Variants in FBN2 observed in about 807,000 individuals in gnomAD.
The protein encoded by FBN2 is fibrillin 2.
A neutral mutation model predicts 355.6 loss-of-function variants in FBN2; 105 were observed. The ratio of observed to expected loss-of-function variants is 0.30; its 90% CI spans 0.25 to 0.35. FBN2 has a LOEUF of 0.35. Among genes scored for constraint, FBN2 ranks in the 10% least tolerant of loss-of-function variants. The probability of loss-of-function intolerance (pLI) is 1.00; values close to 1 mark genes in which losing one functional copy is unlikely to be tolerated. For missense variants in FBN2, 3,280 were observed against 3,758.7 expected, an observed-to-expected ratio of 0.87 and a Z score of 3.33; for synonymous variants, 1,350 against 1,301.2, an observed-to-expected ratio of 1.04 and a Z score of -0.81.
chr5:128,391,531 T>G (rs1392487298), intron 11 of FBN2, among the ~76,000 whole-genome samples: 1 of 152,192 alleles, frequency 6.6e-6, no homozygotes, highest in African/African-American at 2.4e-5. Flanking sequence ...ATTTTCATCT[T>G]TAATTTCTAA....
intron 4 of FBN2, among the ~76,000 whole-genome samples, chr5:128,522,484 T>C (rs538401131): frequency 2.6e-5 from 4 of 152,260 alleles, no homozygotes; most frequent in South Asian, 2.1e-4. Context: ...CTAAATAAAA[T>C]AGCATATAAG....
Position 128,392,215 on chromosome 5 carries a change from T to C in FBN2, c.1466-60A>G, listed in dbSNP as rs1336294407. On this transcript the variant is annotated intron_variant, in intron 10 of 64. Transcript: ENST00000262464. ...TTACAACATGCATTACTTTTCTGAA[T>C]TGATTTTTAAAGGACATTTAATAGT... is the stretch of plus-strand genomic sequence containing the variant. 17 of 1,486,966 alleles carry C rather than the reference T, an allele frequency of 1.1e-5. No individual in the cohort carries two copies. In the East Asian group the frequency reaches 2.5e-4, roughly 22 times the overall value. The allele number at this position is 1,486,966 out of a possible 1,614,324, so 92.1% of individuals were successfully genotyped here.
In FBN2 at chr5:128,492,857, TG is replaced by T. The variant is rs374581921; in HGVS notation, c.628+26415del. Reference sequence around the variant, plus strand: ...GAAGAAAGAAATACCTATTGGCATATGGGGGAAACTGGCAGATTAGATAAAA... The same window carrying T: ...GAAGAAAGAAATACCTATTGGCATATGGGGAAACTGGCAGATTAGATAAAA... On this transcript the variant is annotated intron_variant, in intron 5 of 64. Transcript: ENST00000262464. Among the ~76,000 whole-genome samples, 956 of 138,664 alleles carry T rather than the reference TG, an allele frequency of 6.9e-3. 15 individuals are homozygous for T. Among genetic ancestry groups the T allele is most frequent in the African/African-American group, 0.024 (916 of 37,782 alleles). 91.0% of individuals were successfully genotyped at this position (138,664 alleles called of 152,430 possible).
At chr5:128,348,628 T>C (rs1751248984) in intron 23 of FBN2, among the ~76,000 whole-genome samples, 2 of 152,138 alleles carry the variant, frequency 1.3e-5, no homozygotes, top group South Asian at 4.1e-4. Context: ...AATACAAATC[T>C]ATGTAAAGTT....
At chr5:128,500,226 TATC>T (rs1438064435) in intron 5 of FBN2, among the ~76,000 whole-genome samples, 2 of 133,888 alleles carry the variant, frequency 1.5e-5, no homozygotes, top group Non-Finnish European at 3.0e-5. Flanking sequence ...CCACAGCTAA[TATC>T]AACAACAACA....
intron 29 of FBN2, 49 bp downstream of exon 29, chr5:128,335,406 A>C: frequency 1.2e-6 from 2 of 1,613,544 alleles, no homozygotes; most frequent in Non-Finnish European, 1.7e-6. Context: ...CATATTTTCA[A>C]GAAAAAATTA....
Position 128,311,873 on chromosome 5 carries a change from G to A in FBN2, c.4948+12C>T. On this transcript the variant is annotated intron_variant, in intron 38 of 64. Coordinates refer to ENST00000262464, the MANE Select transcript of FBN2 (RefSeq NM_001999.4). ...CCTTGTTTGAATCTGGGTGACAATG[G>A]GATTAGCTCACCTTCTAAAATGATT... 3 of 1,592,774 alleles carry A rather than the reference G, an allele frequency of 1.9e-6. No individual in the cohort carries two copies. Among genetic ancestry groups the A allele is most frequent in the Non-Finnish European group, 1.7e-6 (2 of 1,160,858 alleles).
chr5:128,422,853 A>C (rs1433958673), intron 7 of FBN2, among the ~76,000 whole-genome samples: 1 of 152,196 alleles, frequency 6.6e-6, no homozygotes, highest in Admixed American at 6.6e-5. Context: ...CTTTGGTACT[A>C]TCCTTTTTTT....
At chr5:128,439,054 G>A (rs895988466) in intron 7 of FBN2, among the ~76,000 whole-genome samples, 8 of 151,846 alleles carry the variant, frequency 5.3e-5, no homozygotes, top group Non-Finnish European at 8.8e-5. Context: ...TTCAACATAC[G>A]TTTATATCAA....
chr5:128,527,854 T>A lies in FBN2; in HGVS notation c.532+18A>T. On this transcript the variant is annotated intron_variant, in intron 4 of 64. Transcript: ENST00000262464. ...ATCCACCAAATCAAATGATTTCTAA[T>A]AAATCAATGTCCCTTACGTTGTCCA... 6.8e-7 allele frequency: 1 copy of A among 1,466,910 alleles called. No individual in the cohort carries two copies. The highest frequency in any genetic ancestry group is 9.6e-7 in the Non-Finnish European group (1 of 1,046,274). The allele number at this position is 1,466,910 out of a possible 1,614,324, so 90.9% of individuals were successfully genotyped here. A position where few individuals can be genotyped will look rare whatever the true frequency, so the allele number is the denominator to read the frequency against.
intron 34 of FBN2, 111 bp downstream of exon 34, chr5:128,328,585 A>T (rs568951706): frequency 9.2e-7 from 1 of 1,089,882 alleles, no homozygotes; most frequent in South Asian, 1.3e-5. Context: ...TTTATAGTGC[A>T]GCATGTGCTA....
rs200400405 is a variant in FBN2, at chr5:128,315,578, T to G, written c.4717+2571A>C. ...CCACAAATAGAAAATGTTTTCATTT[T>G]TAGATTTATCAACACCAATTAGAAC... On this transcript the variant is annotated intron_variant, in intron 36 of 64. Transcript: ENST00000262464. 6.6e-5 allele frequency among the ~76,000 whole-genome samples: 10 copies of G among 152,348 alleles called. No individual in the cohort carries two copies. The East Asian group carries it at 1.7e-3, about 26-fold the overall frequency.
chr5:128,291,839 G>A (rs765764615), intron 48 of FBN2, among the ~76,000 whole-genome samples, 185 bp from the exon 49 acceptor site: 14 of 152,098 alleles, frequency 9.2e-5, no homozygotes, highest in Non-Finnish European at 1.8e-4. Flanking sequence ...AACCAACCAT[G>A]TGCCAGAGAG....
At chr5:128,522,771 A>G (rs1312095538) in intron 4 of FBN2, among the ~76,000 whole-genome samples, 2 of 152,238 alleles carry the variant, frequency 1.3e-5, no homozygotes, top group African/African-American at 4.8e-5. Context: ...AAGAATGGAA[A>G]CAGCAACTTA....
intron 63 of FBN2, among the ~76,000 whole-genome samples, chr5:128,262,502 G>T (rs577509593): frequency 6.6e-6 from 1 of 152,266 alleles, no homozygotes; most frequent in East Asian, 1.9e-4. Flanking sequence ...TAAAAGTAAG[G>T]TATGAATTTC....
At position 128,417,760 on chromosome 5, in the gene FBN2, G is replaced by C. The variant is rs574135668; in HGVS notation, c.953-8961C>G. ...GTTGGATTCAGTTTGCTACTATTTTGTTGGGGATTTTTACGTCTATATTCA... is the reference window on the plus strand; with the variant it reads ...GTTGGATTCAGTTTGCTACTATTTTCTTGGGGATTTTTACGTCTATATTCA... On this transcript the variant is annotated intron_variant, in intron 7 of 64. Transcript: ENST00000262464. 1.1e-4 allele frequency among the ~76,000 whole-genome samples: 17 copies of C among 152,188 alleles called. 2 individuals carry two copies. In the South Asian group the frequency reaches 3.3e-3, roughly 30 times the overall value.
rs897887627 is a variant in FBN2 at position 128,339,047 on chromosome 5, T to A, written c.3358A>T (p.Arg1120Trp). The A allele has an allele frequency of 6.2e-7, 1 of 1,614,096 alleles. No individual in the cohort carries two copies. The highest frequency in any genetic ancestry group is 8.5e-7 in the Non-Finnish European group (1 of 1,179,938). ...CTGCCACAGAGGTCAGGAGAAATCC[T>A]GCACTCGTCGATGTCTAATTCACAG... ...ERNCTDIDECRISPDLCGSGI... is the reference protein window; with the variant it reads ...ERNCTDIDECWISPDLCGSGI... Residue 1120 changes from arginine (R) to tryptophan (W), a missense_variant, in exon 26 of 65, where the codon AGG becomes TGG. Arg to Trp is a moderately radical substitution (Grantham distance 101). Around this residue, in one of 6 missense-constraint regions of FBN2, gnomAD observed 2,284 missense variants for 2,749.5 expected, o/e 0.83. Transcript: ENST00000262464.
In FBN2 at chr5:128,274,678, C is replaced by T; in HGVS notation, c.7600G>A (p.Asp2534Asn). 6.3e-7 allele frequency: 1 copy of T among 1,597,940 alleles called. No homozygotes were observed. Among genetic ancestry groups the T allele is most frequent in the Non-Finnish European group, 8.6e-7 (1 of 1,165,340 alleles). ...TTATGCTGCTTTGTTTGACATTCAT[C>T]AAGGTCTGAAATTAGAGAGAAGCCA... Reference protein sequence around the residue: ...QEDGKTCKDLDECQTKQHNCQ... With the variant: ...QEDGKTCKDLNECQTKQHNCQ... Residue 2534 changes from aspartate to asparagine, a missense_variant, in exon 60 of 65, where the codon GAT becomes AAT. Asp to Asn is a conservative substitution (Grantham distance 23). Around this residue, in one of 6 missense-constraint regions of FBN2, gnomAD observed 2,284 missense variants for 2,749.5 expected, o/e 0.83. Transcript: ENST00000262464.
At chr5:128,490,907 A>G (rs1334800275) in intron 5 of FBN2, among the ~76,000 whole-genome samples, 1 of 152,220 alleles carries the variant, frequency 6.6e-6, no homozygotes, top group African/African-American at 2.4e-5. Flanking sequence ...TTAACCAGTA[A>G]TGCAGAATTT....
Sources: allele counts gnomAD v4.1 joint callset (sites outside exome capture counted in the v4.1 genomes callset), GRCh38; gene constraint gnomAD v4.1.1; regional missense constraint gnomAD v4.1.1; transcripts MANE v1.5; gene names NCBI Gene and HGNC (gene_info 2026-07-23, HGNC 2026-07-21).